The following VPS54 variants were observed in gnomAD, a reference collection of about 807,000 sequenced individuals.
The protein encoded by VPS54 is vacuolar protein sorting-associated protein 54.
Under a neutral mutation model 121.5 loss-of-function variants are expected in VPS54, and 45 were observed. The observed-to-expected ratio is 0.37, with a 90% CI of 0.29 to 0.47. The LOEUF (loss-of-function observed/expected upper bound fraction) is 0.47. Among genes scored for constraint, VPS54 ranks in the 20% least tolerant of loss-of-function variants. The pLI is 0.99. For missense variants in VPS54, 1,090 were observed against 1,131.4 expected (o/e 0.96, Z 0.52); for synonymous variants, 371 against 385.8 (o/e 0.96, Z 0.45).
chr2:63,967,404 C>T (rs1676048887), intron 5 of VPS54, among the ~76,000 whole-genome samples: 1 of 151,908 alleles, frequency 6.6e-6, no homozygotes, highest in Admixed American at 6.6e-5. Flanking sequence ...AAGCTTCAAT[C>T]CAAGGGATGT....
chr2:63,963,941 T>C (rs1162455434), intron 6 of VPS54, among the ~76,000 whole-genome samples: 1 of 152,186 alleles, frequency 6.6e-6, no homozygotes, highest in Admixed American at 6.5e-5. Flanking sequence ...AACTACATCA[T>C]TAAGCACACT....
intron 9 of VPS54, among the ~76,000 whole-genome samples, chr2:63,946,713 A>T (rs1195826704): frequency 6.6e-6 from 1 of 152,120 alleles, no homozygotes; most frequent in Non-Finnish European, 1.5e-5. Flanking sequence ...CAAAACAAAG[A>T]TCAGGGAATA....
chr2:63,938,816 G>C (rs1041090348), intron 11 of VPS54, among the ~76,000 whole-genome samples: 1 of 152,198 alleles, frequency 6.6e-6, no homozygotes, highest in African/African-American at 2.4e-5. Context: ...GATAAAAAGA[G>C]TTCTGTGGAT....
chr2:63,981,138 A>T (rs1386811825), intron 3 of VPS54, among the ~76,000 whole-genome samples: 1 of 152,160 alleles, frequency 6.6e-6, no homozygotes, highest in African/African-American at 2.4e-5. Flanking sequence ...CCACTTACTA[A>T]TAATCTGAAG....
At chr2:63,922,177 G>T (rs1335748232) in intron 12 of VPS54, among the ~76,000 whole-genome samples, 2 of 152,110 alleles carry the variant, frequency 1.3e-5, no homozygotes, top group Admixed American at 1.3e-4. Context: ...GACATAATGT[G>T]CTTTTTTTCA....
intron 1 of VPS54, among the ~76,000 whole-genome samples, chr2:63,988,460 G>C (rs1242200523): frequency 6.6e-6 from 1 of 152,172 alleles, no homozygotes; most frequent in Non-Finnish European, 1.5e-5. Flanking sequence ...CGGGAAGTCA[G>C]GGACCCCGAA....
intron 9 of VPS54, among the ~76,000 whole-genome samples, chr2:63,945,888 A>T (rs1281810017): frequency 6.6e-6 from 1 of 152,182 alleles, no homozygotes. Context: ...GAAACATACC[A>T]GTTTTTAGAA....
intron 12 of VPS54, among the ~76,000 whole-genome samples, chr2:63,926,350 G>A (rs1417924217): frequency 1.3e-5 from 2 of 152,210 alleles, no homozygotes; most frequent in East Asian, 1.9e-4. Context: ...TAGTAAATGT[G>A]AAAATATCAG....
At chr2:64,008,238 C>T (rs1678257403) in intron 1 of VPS54, among the ~76,000 whole-genome samples, 1 of 151,952 alleles carries the variant, frequency 6.6e-6, no homozygotes, top group South Asian at 2.1e-4. Flanking sequence ...CGTGGTGAAA[C>T]CCCATCTCTA....
intron 12 of VPS54, among the ~76,000 whole-genome samples, chr2:63,926,983 G>A (rs995048505): frequency 1.3e-5 from 2 of 152,018 alleles, no homozygotes; most frequent in African/African-American, 4.8e-5. Context: ...TATGCTCAGA[G>A]TGTAAACAAA....
chr2:63,933,270 G>C (rs1674298235), intron 12 of VPS54, among the ~76,000 whole-genome samples: 1 of 151,562 alleles, frequency 6.6e-6, no homozygotes, highest in Admixed American at 6.6e-5. Context: ...AAATCAAACA[G>C]ATCTTCACAA....
At position 63,936,710 on chromosome 2, in the gene VPS54, A is replaced by G. The variant is rs910584436; in HGVS notation, c.1399-2697T>C. Among the ~76,000 whole-genome samples the G allele has an allele frequency of 3.9e-5, 6 of 152,212 alleles. No homozygotes were observed. In the East Asian group the frequency reaches 7.7e-4, roughly 20 times the overall value. On this transcript the variant is annotated intron_variant, in intron 11 of 22. Transcript: ENST00000272322. ...AACAAGAATTTAATAAAAAGTCAAA[A>G]TACAATCGTAAAGAATGAAGTATGG...
intron 11 of VPS54, among the ~76,000 whole-genome samples, chr2:63,935,814 G>A (rs1439251806): frequency 2.6e-5 from 4 of 152,134 alleles, no homozygotes; most frequent in African/African-American, 9.7e-5. Context: ...ATCAATTAAA[G>A]CCAAGGACTT....
At chr2:63,996,332 CTTA>C (rs1677589185) in intron 1 of VPS54, among the ~76,000 whole-genome samples, 1 of 152,170 alleles carries the variant, frequency 6.6e-6, no homozygotes, top group Non-Finnish European at 1.5e-5. Flanking sequence ...AATCAATACT[CTTA>C]TAATTTCCTA....
intron 3 of VPS54, among the ~76,000 whole-genome samples, chr2:63,976,975 C>A (rs1432967533): frequency 1.3e-5 from 2 of 151,762 alleles, no homozygotes; most frequent in Non-Finnish European, 2.9e-5. Flanking sequence ...ATGACAGGTG[C>A]CTACCACCAT....
chr2:63,989,561 T>G (rs1677218687), intron 1 of VPS54, among the ~76,000 whole-genome samples: 1 of 152,134 alleles, frequency 6.6e-6, no homozygotes, highest in East Asian at 1.9e-4. Flanking sequence ...GTGCCCAGCA[T>G]GGTTTTTCTT....
intron 20 of VPS54, among the ~76,000 whole-genome samples, chr2:63,903,253 T>C (rs1240441260): frequency 2.0e-5 from 3 of 152,202 alleles, no homozygotes; most frequent in Non-Finnish European, 4.4e-5. Context: ...AGACTTCTTG[T>C]TGAAAACTAT....
intron 14 of VPS54, among the ~76,000 whole-genome samples, 165 bp from the exon 15 acceptor site, chr2:63,920,160 T>TCTCA (rs1558991642): frequency 6.6e-6 from 1 of 152,146 alleles, no homozygotes; most frequent in Non-Finnish European, 1.5e-5. Flanking sequence ...CCTTTTTATA[T>TCTCA]CTCAGCCTAA....
rs192083764 is a variant in VPS54 at position 63,896,446 on chromosome 2, G to A, written c.2828+1050C>T. On this transcript the variant is annotated intron_variant, in intron 22 of 22. Transcript: ENST00000272322. ...TAAAAGCTATTCAGTGTTCATTATT[G>A]TCCTTTAAGTGTTCCATGGCTTTGA... 3.9e-5 allele frequency among the ~76,000 whole-genome samples: 6 copies of A among 152,202 alleles called. No homozygotes were observed. The East Asian group carries it at 1.2e-3, about 29-fold the overall frequency.
Sources: gnomAD v4.1 joint callset for allele counts (sites outside exome capture counted in the v4.1 genomes callset) on GRCh38, gnomAD v4.1.1 for gene constraint, MANE v1.5 for transcripts, NCBI Gene and HGNC (gene_info 2026-07-23, HGNC 2026-07-21) for gene names.